The following HYKK variants were observed in gnomAD, a reference collection of about 807,000 sequenced individuals.
The protein encoded by HYKK is hydroxylysine kinase.
Under a neutral mutation model 29.7 loss-of-function variants are expected in HYKK, and 19 were observed. The observed-to-expected ratio is 0.64, with a 90% CI of 0.45 to 0.94. The LOEUF (loss-of-function observed/expected upper bound fraction) is 0.94, where lower values mean the gene tolerates loss of function less well. HYKK is among the 40% of genes least tolerant of loss of function. The pLI, the probability that HYKK is intolerant of heterozygous loss-of-function variation, is 0.00. For missense variants in HYKK, 390 were observed against 443.4 expected (o/e 0.88, Z 1.08); for synonymous variants, 152 against 158.1 (o/e 0.96, Z 0.29).
chr15:78,518,242 C>T (rs999729385), intron 3 of HYKK, among the ~76,000 whole-genome samples: 4 of 152,182 alleles, frequency 2.6e-5, no homozygotes, highest in Non-Finnish European at 5.9e-5. Flanking sequence ...GACTAGAGTG[C>T]AGTGGCACGA....
chr15:78,520,445 C>T (rs985220338), intron 3 of HYKK, among the ~76,000 whole-genome samples: 40 of 152,004 alleles, frequency 2.6e-4, no homozygotes, highest in African/African-American at 8.7e-4. Flanking sequence ...TGACTCTTAA[C>T]GAGCATGCTG....
At chr15:78,510,939 G>C (rs1489485465) in intron 1 of HYKK, among the ~76,000 whole-genome samples, 1 of 143,070 alleles carries the variant, frequency 7.0e-6, no homozygotes, top group Admixed American at 7.0e-5. Context: ...TTCCACAAAA[G>C]CTAACTCTTC....
intron 1 of HYKK, among the ~76,000 whole-genome samples, chr15:78,510,691 A>G (rs1327704338): frequency 6.6e-6 from 1 of 152,188 alleles, no homozygotes; most frequent in African/African-American, 2.4e-5. Flanking sequence ...TAGAGTTCCA[A>G]GAAAGTCCTA....
chr15:78,510,010 A>T (rs1421844037), intron 1 of HYKK, among the ~76,000 whole-genome samples: 1 of 152,154 alleles, frequency 6.6e-6, no homozygotes, highest in African/African-American at 2.4e-5. Flanking sequence ...AGGGAAGGCC[A>T]TGGCAGGGGC....
chr15:78,512,400 CTTTTTTTTTT>C (rs902963099), intron 1 of HYKK, among the ~76,000 whole-genome samples: 7 of 125,682 alleles, frequency 5.6e-5, no homozygotes, highest in East Asian at 2.2e-4. Flanking sequence ...TTTTCTTTTT[CTTTTTTTTTT>C]TTTTTTTTTG....
intron 1 of HYKK, among the ~76,000 whole-genome samples, chr15:78,508,830 G>A (rs1752519833): frequency 1.5e-5 from 2 of 135,166 alleles, no homozygotes; most frequent in East Asian, 2.3e-4. Flanking sequence ...GATTGCTTGA[G>A]CCCAGAAGTT....
intron 2 of HYKK, among the ~76,000 whole-genome samples, chr15:78,514,012 G>A (rs1044428010): frequency 1.3e-5 from 2 of 152,000 alleles, no homozygotes; most frequent in Non-Finnish European, 2.9e-5. Context: ...GGCTGGTCTT[G>A]AACTCCTGGC....
At chr15:78,509,954 C>A (rs117358101) in intron 1 of HYKK, among the ~76,000 whole-genome samples, 3,188 of 152,260 alleles carry the variant, frequency 0.021, 58 homozygotes, top group Non-Finnish European at 0.033. Flanking sequence ...GTGGCACAAG[C>A]TATGCAAGTT....
In HYKK at chr15:78,533,717, A is replaced by T; in HGVS notation, c.*47A>T. The T allele has an allele frequency of 7.3e-7, 1 of 1,368,700 alleles. No individual in the cohort carries two copies. The highest frequency in any genetic ancestry group is 1.0e-6 in the Non-Finnish European group (1 of 974,756). 84.8% of individuals were successfully genotyped at this position (1,368,700 alleles called of 1,614,324 possible). ...AAGTTCACTTTAACTTGGGTAATTA[A>T]AATAGGACCCAGTCAAATTTTAGGA... On this transcript the variant is annotated 3_prime_UTR_variant, in exon 5 of 5. Transcript: ENST00000388988.
intron 3 of HYKK, among the ~76,000 whole-genome samples, chr15:78,524,286 T>G (rs1316851692): frequency 6.6e-6 from 1 of 152,230 alleles, no homozygotes; most frequent in African/African-American, 2.4e-5. Context: ...TTAACACCAC[T>G]TGGAAGCCAC....
At chr15:78,529,037 CT>C in intron 4 of HYKK, among the ~76,000 whole-genome samples, 1 of 152,196 alleles carries the variant, frequency 6.6e-6, no homozygotes, top group Non-Finnish European at 1.5e-5. Context: ...ATAGGCTTCA[CT>C]TTGTGCTTTC....
At chr15:78,537,267 ATAAAT>A (rs540274956), downstream of HYKK, 3 of 636,692 alleles carry the variant, frequency 4.7e-6, no homozygotes, top group South Asian at 5.7e-5. Flanking sequence ...AATATAATAC[ATAAAT>A]TAAATATTTA....
Position 78,533,104 on chromosome 15 carries a change from A to G in HYKK, c.662-106A>G, listed in dbSNP as rs549275339. On this transcript the variant is annotated intron_variant, in intron 4 of 4. Coordinates refer to ENST00000388988, the MANE Select transcript of HYKK (RefSeq NM_001013619.4). ...CAAGAAAAATAGGGCCTGGCCCTTT[A>G]TCTCTGACTGCTCATCAAATTATGG... 16 of 694,910 alleles carry G rather than the reference A, an allele frequency of 2.3e-5. No individual in the cohort carries two copies. In the South Asian group the frequency reaches 2.9e-4, roughly 12 times the overall value. The allele number at this position is 694,910 out of a possible 1,614,324, so 43.0% of individuals were successfully genotyped here.
rs1383643183 is a variant in HYKK, at chr15:78,534,273, G to A, written c.*603G>A. ...TTTTTTTTTTTTTTTTTTTTGAGAC[G>A]GAGTCTCGCTCTGTCGCCCAGGCTG... is the stretch of plus-strand genomic sequence containing the variant. On this transcript the variant is annotated 3_prime_UTR_variant, in exon 5 of 5. Coordinates refer to ENST00000388988, the MANE Select transcript of HYKK (RefSeq NM_001013619.4). 6 of 131,484 alleles carry A rather than the reference G, an allele frequency of 4.6e-5. No individual in the cohort carries two copies. The highest frequency in any genetic ancestry group is 9.5e-5 in the Non-Finnish European group (6 of 63,332). The allele number at this position is 131,484 out of a possible 1,614,324, so 8.1% of individuals were successfully genotyped here.
intron 1 of HYKK, among the ~76,000 whole-genome samples, chr15:78,509,710 T>A (rs1234338007): frequency 6.6e-6 from 1 of 152,334 alleles, no homozygotes; most frequent in African/African-American, 2.4e-5. Context: ...ATGTTAAAAT[T>A]CCTTGTAAAG....
chr15:78,514,196 TGGAAATCA>T (rs1567015537), intron 2 of HYKK, among the ~76,000 whole-genome samples: 3 of 152,132 alleles, frequency 2.0e-5, no homozygotes, highest in Non-Finnish European at 4.4e-5. Context: ...AATATAATAC[TGGAAATCA>T]GGAAATCAGG....
At chr15:78,508,736 AAAAAAT>A (rs2141550585) in intron 1 of HYKK, among the ~76,000 whole-genome samples, 1 of 152,152 alleles carries the variant, frequency 6.6e-6, no homozygotes, top group African/African-American at 2.4e-5. Flanking sequence ...ACTGTCTCTA[AAAAAAT>A]AAAAATAATA....
Position 78,530,322 on chromosome 15 carries a change from A to C in HYKK, c.661+2759A>C, listed in dbSNP as rs527434095. Among the ~76,000 whole-genome samples, 42 of 151,840 alleles carry C rather than the reference A, an allele frequency of 2.8e-4. No homozygotes were observed. The South Asian group carries it at 8.4e-3, about 30-fold the overall frequency. On this transcript the variant is annotated intron_variant, in intron 4 of 4. Transcript: ENST00000388988. ...TTTAAGAGATTCTCCTGCTGCAGCC[A>C]TCCAGGTAGCTGTGGCCACAGGCGT...
chr15:78,509,990 T>C (rs2141552007), intron 1 of HYKK, among the ~76,000 whole-genome samples: 1 of 152,260 alleles, frequency 6.6e-6, no homozygotes. Context: ...TCACTTTGGG[T>C]AGGAGGATCA....
Sources: gnomAD v4.1 joint callset for allele counts (sites outside exome capture counted in the v4.1 genomes callset) on GRCh38, gnomAD v4.1.1 for gene constraint, MANE v1.5 for transcripts, NCBI Gene and HGNC (gene_info 2026-07-23, HGNC 2026-07-21) for gene names.